Variants in NOL4L observed in about 807,000 individuals in gnomAD.
NOL4L encodes nucleolar protein 4 like, also known as nucleolar protein 4-like.
NOL4L carries 7 observed loss-of-function variants against 64.5 expected under a neutral mutation model. The observed-to-expected ratio is 0.11, with a 90% confidence interval of 0.06 to 0.20. The LOEUF is 0.20. Ranked by LOEUF, NOL4L falls within the 10% of genes least tolerant of loss-of-function variation. The pLI, the probability that NOL4L is intolerant of heterozygous loss-of-function variation, is 1.00. For missense variants in NOL4L, 680 were observed against 967.1 expected (o/e 0.70, Z 3.94); for synonymous variants, 413 against 401.0 (o/e 1.03, Z -0.36).
intron 4 of NOL4L, among the ~76,000 whole-genome samples, chr20:32,507,785 G>A (rs1227690824): frequency 6.6e-6 from 1 of 152,168 alleles, no homozygotes; most frequent in Non-Finnish European, 1.5e-5. Flanking sequence ...TAAGGCAGGT[G>A]GATCATGAGG....
chr20:32,474,829 T>C (rs1455149534), intron 4 of NOL4L, 87 bp from the exon 5 acceptor site: 3 of 1,469,076 alleles, frequency 2.0e-6, no homozygotes, highest in Non-Finnish European at 1.8e-6. Flanking sequence ...CCAGGGCCAG[T>C]GGGCGTTTGG....
intron 2 of NOL4L, among the ~76,000 whole-genome samples, chr20:32,522,994 C>T (rs955115106): frequency 6.6e-6 from 1 of 152,176 alleles, no homozygotes; most frequent in Non-Finnish European, 1.5e-5. Context: ...CCTGGCCTGG[C>T]TGCTCTGCTG....
At chr20:32,481,905 G>T in intron 4 of NOL4L, among the ~76,000 whole-genome samples, 1 of 126,956 alleles carries the variant, frequency 7.9e-6, no homozygotes, top group South Asian at 2.8e-4. Context: ...AGAGCCATGA[G>T]GTCCCCCAAA....
At chr20:32,499,829 A>G (rs1007056571) in intron 4 of NOL4L, among the ~76,000 whole-genome samples, 7 of 152,040 alleles carry the variant, frequency 4.6e-5, no homozygotes, top group Non-Finnish European at 7.4e-5. Flanking sequence ...GAAAGCCAAC[A>G]AAAGAGGAAC....
chr20:32,553,941 C>T (rs928309770), intron 1 of NOL4L, among the ~76,000 whole-genome samples: 7 of 152,190 alleles, frequency 4.6e-5, no homozygotes, highest in African/African-American at 1.4e-4. Context: ...AAGGAGTAGA[C>T]AGGAACTCTC....
At chr20:32,554,103 A>G (rs547770980) in intron 1 of NOL4L, among the ~76,000 whole-genome samples, 17 of 152,144 alleles carry the variant, frequency 1.1e-4, no homozygotes, top group African/African-American at 2.9e-4. Flanking sequence ...GGCGGATCAC[A>G]AGGTCAGGAG....
intron 3 of NOL4L, chr20:32,520,374 G>A (rs1345687752): frequency 6.5e-6 from 1 of 155,006 alleles, no homozygotes; most frequent in Non-Finnish European, 1.4e-5. Context: ...ACAAGCACCA[G>A]GGAAGATGTA....
rs1041793452 is a variant in NOL4L, at chr20:32,510,970, T to A, written c.699+377A>T. On this transcript the variant is annotated intron_variant, in intron 4 of 10. Transcript: ENST00000621426. ...GTGACAGAGGCCACAGGCAGGCGGC[T>A]ACTCTCTCTTGCCTCCCTGGGGGAA... Among the ~76,000 whole-genome samples the A allele has an allele frequency of 8.2e-4, 125 of 152,206 alleles. 1 individual carries two copies. The highest frequency in any genetic ancestry group is 1.9e-3 in the African/African-American group (79 of 41,524).
At chr20:32,483,978 G>C (rs930560580) in intron 4 of NOL4L, among the ~76,000 whole-genome samples, 1 of 151,760 alleles carries the variant, frequency 6.6e-6, no homozygotes, top group African/African-American at 2.4e-5. Flanking sequence ...AGCCCGGAAA[G>C]AAGGCGCTGG....
chr20:32,536,100 C>T, intron 1 of NOL4L: 1 of 985,638 alleles, frequency 1.0e-6, no homozygotes. Context: ...TTCGCCACCT[C>T]ATAGGAAGTG....
chr20:32,494,535 G>T (rs1228674628), intron 4 of NOL4L, among the ~76,000 whole-genome samples: 1 of 152,108 alleles, frequency 6.6e-6, no homozygotes, highest in African/African-American at 2.4e-5. Context: ...CAAAGTGATT[G>T]TCAAAGTTTA....
intron 4 of NOL4L, among the ~76,000 whole-genome samples, chr20:32,489,138 CCTTTAGGG>C (rs1053669563): frequency 7.3e-6 from 1 of 136,676 alleles, no homozygotes; most frequent in African/African-American, 2.7e-5. Flanking sequence ...TTTTTTTTTT[CCTTTAGGG>C]CTTTAGGGCT....
chr20:32,499,217 A>T (rs924338468), intron 4 of NOL4L, among the ~76,000 whole-genome samples: 4 of 152,118 alleles, frequency 2.6e-5, no homozygotes, highest in Admixed American at 6.6e-5. Flanking sequence ...ATTTTGCATG[A>T]TACCATTTTA....
intron 5 of NOL4L, among the ~76,000 whole-genome samples, chr20:32,467,395 C>T (rs2014645793): frequency 6.6e-6 from 1 of 152,102 alleles, no homozygotes. Flanking sequence ...GTGCCTGGGT[C>T]TGGTTGACAC....
chr20:32,449,318 C>G (rs2012635815), intron 10 of NOL4L, among the ~76,000 whole-genome samples: 2 of 152,224 alleles, frequency 1.3e-5, no homozygotes. Flanking sequence ...GTCACATTCT[C>G]TCATGATTGC....
At chr20:32,452,733 C>T in intron 9 of NOL4L, 151 bp downstream of exon 9, 2 of 1,266,564 alleles carry the variant, frequency 1.6e-6, no homozygotes, top group Non-Finnish European at 2.2e-6. Flanking sequence ...CTGACCTCCA[C>T]CCACCTCCTC....
chr20:32,489,024 T>C (rs1600741487), intron 4 of NOL4L, among the ~76,000 whole-genome samples: 1 of 146,916 alleles, frequency 6.8e-6, no homozygotes, highest in East Asian at 2.0e-4. Context: ...TAATCTTTTG[T>C]CATGTATTTT....
At chr20:32,527,957 C>A in intron 1 of NOL4L, 44 bp from the exon 2 acceptor site, 1 of 1,306,714 alleles carries the variant, frequency 7.7e-7, no homozygotes, top group Non-Finnish European at 1.0e-6. Flanking sequence ...GGAATGATGG[C>A]GGGGTGAGAA....
chr20:32,452,365 G>A lies in NOL4L; in HGVS notation c.1693C>T (p.Pro565Ser), dbSNP rs2013009140. The change falls in exon 10 of 11, where the codon CCA becomes TCA. Residue 565 changes from proline (P) to serine (S), a missense_variant. Transcript: ENST00000621426. ...AAITHSTYSLPASSYSQDPVY... is the reference protein window; with the variant it reads ...AAITHSTYSLSASSYSQDPVY... ...GGGTCCTGGGAGTAGGAGGAGGCTG[G>A]CAGTGAGTAGGTGGAGTGGGTGATG... The A allele has an allele frequency of 6.2e-7, 1 of 1,612,598 alleles. No individual in the cohort carries two copies. Among genetic ancestry groups the A allele is most frequent in the Non-Finnish European group, 8.5e-7 (1 of 1,179,242 alleles).
Sources: gnomAD v4.1 joint callset for allele counts (sites outside exome capture counted in the v4.1 genomes callset) on GRCh38, gnomAD v4.1.1 for gene constraint, MANE v1.5 for transcripts, NCBI Gene and HGNC (gene_info 2026-07-23, HGNC 2026-07-21) for gene names.